LRP1B: variants seen among roughly 807,000 people sequenced by gnomAD.
LRP1B encodes the protein low-density lipoprotein receptor-related protein 1B.
A neutral mutation model predicts 556.6 loss-of-function variants in LRP1B; 217 were observed. The ratio of observed to expected loss-of-function variants is 0.39; its 90% CI spans 0.35 to 0.44. The LOEUF (loss-of-function observed/expected upper bound fraction) is 0.44. Among genes scored for constraint, LRP1B ranks in the 20% least tolerant of loss-of-function variants. The pLI, the probability that LRP1B is intolerant of heterozygous loss-of-function variation, is 1.00. For missense variants in LRP1B, 5,053 were observed against 5,620.8 expected, an observed-to-expected ratio of 0.90 and a Z score of 3.23; for synonymous variants, 2,047 against 1,865.8, an observed-to-expected ratio of 1.10 and a Z score of -2.50.
intron 66 of LRP1B, among the ~76,000 whole-genome samples, chr2:140,414,595 T>C (rs1685102600): frequency 6.6e-6 from 1 of 152,290 alleles, no homozygotes; most frequent in Admixed American, 6.5e-5. Context: ...GGAACATAAA[T>C]TGCAAAGATT....
At chr2:140,891,558 C>G (rs946940628) in intron 23 of LRP1B, among the ~76,000 whole-genome samples, 15 of 152,136 alleles carry the variant, frequency 9.9e-5, no homozygotes, top group Admixed American at 9.2e-4. Flanking sequence ...TCTGTCCCAT[C>G]ATCAGATACA....
chr2:140,600,678 T>C, intron 42 of LRP1B, among the ~76,000 whole-genome samples: 1 of 151,392 alleles, frequency 6.6e-6, no homozygotes, highest in Non-Finnish European at 1.5e-5. Context: ...TTTCTTATAG[T>C]TAACAAACAA....
At chr2:140,389,086 CATT>C (rs1374506542) in intron 66 of LRP1B, among the ~76,000 whole-genome samples, 2 of 152,050 alleles carry the variant, frequency 1.3e-5, no homozygotes, top group African/African-American at 4.8e-5. Context: ...TCATATATCT[CATT>C]ATTCCCTTTT....
At chr2:141,185,482 G>A (rs1332702698) in intron 7 of LRP1B, among the ~76,000 whole-genome samples, 1 of 151,920 alleles carries the variant, frequency 6.6e-6, no homozygotes, top group Non-Finnish European at 1.5e-5. Context: ...TTGAAAGGAA[G>A]AAGAAAATCT....
At chr2:140,491,091 T>C (rs548215050) in intron 57 of LRP1B, among the ~76,000 whole-genome samples, 1 of 152,206 alleles carries the variant, frequency 6.6e-6, no homozygotes, top group Admixed American at 6.5e-5. Context: ...TTTTGTTCCA[T>C]TAAGAACAAT....
chr2:141,271,623 C>T (rs1159402038), intron 3 of LRP1B, among the ~76,000 whole-genome samples: 2 of 151,710 alleles, frequency 1.3e-5, no homozygotes, highest in South Asian at 2.1e-4. Flanking sequence ...AACCAAGAAT[C>T]TTATTTCCAG....
chr2:140,775,068 T>G (rs1454799955), intron 33 of LRP1B, among the ~76,000 whole-genome samples: 1 of 152,108 alleles, frequency 6.6e-6, no homozygotes, highest in Non-Finnish European at 1.5e-5. Flanking sequence ...ATTCTAAAGT[T>G]ATTAATTTTT....
intron 3 of LRP1B, among the ~76,000 whole-genome samples, chr2:141,263,118 G>C (rs1333333991): frequency 6.6e-6 from 1 of 151,698 alleles, no homozygotes. Flanking sequence ...ATTTATATCT[G>C]TCTCATAGTT....
At chr2:140,652,780 A>C (rs1436169189) in intron 41 of LRP1B, among the ~76,000 whole-genome samples, 1 of 152,122 alleles carries the variant, frequency 6.6e-6, no homozygotes, top group Non-Finnish European at 1.5e-5. Flanking sequence ...TCCAACTAAA[A>C]ATGAATCCAT....
At chr2:141,995,896 A>T (rs959826346) in intron 1 of LRP1B, among the ~76,000 whole-genome samples, 1 of 152,214 alleles carries the variant, frequency 6.6e-6, no homozygotes, top group Non-Finnish European at 1.5e-5. Context: ...TGGGTTTTAA[A>T]AAAGCTTCAG....
At chr2:140,647,097 C>T (rs1031432220) in intron 41 of LRP1B, among the ~76,000 whole-genome samples, 22 of 151,948 alleles carry the variant, frequency 1.4e-4, no homozygotes, top group African/African-American at 4.1e-4. Flanking sequence ...AGTTTTTCTC[C>T]GCATTTAAAT....
intron 69 of LRP1B, among the ~76,000 whole-genome samples, chr2:140,371,696 A>G (rs898963022): frequency 1.3e-5 from 2 of 151,884 alleles, no homozygotes; most frequent in Non-Finnish European, 2.9e-5. Context: ...ATATTTAGCA[A>G]CCTTTGAGTA....
chr2:140,722,307 C>T (rs1272623709), intron 35 of LRP1B, among the ~76,000 whole-genome samples: 2 of 152,142 alleles, frequency 1.3e-5, no homozygotes, highest in Non-Finnish European at 2.9e-5. Flanking sequence ...TTTTCCATGT[C>T]TTAGAAGAGA....
intron 2 of LRP1B, among the ~76,000 whole-genome samples, chr2:141,769,044 G>A (rs1158279840): frequency 6.6e-6 from 1 of 152,070 alleles, no homozygotes; most frequent in Non-Finnish European, 1.5e-5. Context: ...ATATTATACA[G>A]ATGAGAGATG....
chr2:140,438,167 T>C (rs1234345936), intron 66 of LRP1B, among the ~76,000 whole-genome samples: 1 of 152,076 alleles, frequency 6.6e-6, no homozygotes, highest in Non-Finnish European at 1.5e-5. Context: ...CAGGTGCTAA[T>C]TTTTAAATAT....
At chr2:141,797,372 AAC>A (rs1695860156) in intron 2 of LRP1B, among the ~76,000 whole-genome samples, 1 of 151,618 alleles carries the variant, frequency 6.6e-6, no homozygotes, top group African/African-American at 2.4e-5. Flanking sequence ...TCATGAGGGA[AAC>A]AGAGTATTTG....
intron 2 of LRP1B, among the ~76,000 whole-genome samples, chr2:141,678,865 C>T (rs907590809): frequency 3.3e-5 from 5 of 152,106 alleles, no homozygotes; most frequent in Admixed American, 6.6e-5. Flanking sequence ...TACCCACTCC[C>T]TGGTATTCAT....
At chr2:140,596,376 A>G (rs1682440709) in intron 43 of LRP1B, among the ~76,000 whole-genome samples, 1 of 152,146 alleles carries the variant, frequency 6.6e-6, no homozygotes, top group Admixed American at 6.5e-5. Context: ...TGTCACTTAG[A>G]GTTGGATGCT....
chr2:141,644,534 TAAC>T lies in LRP1B; in HGVS notation c.206-164004_206-164002del, dbSNP rs1448913398. ...CAATCAGCAATTACTTTTTGTTTCT[TAAC>T]AACATGACTAGTTAAATTAAAATTA... is the stretch of plus-strand genomic sequence containing the variant. On this transcript the variant is annotated intron_variant, in intron 2 of 90. Coordinates refer to ENST00000389484, the MANE Select transcript of LRP1B (RefSeq NM_018557.3). 7.2e-5 allele frequency among the ~76,000 whole-genome samples: 11 copies of T among 152,236 alleles called. No individual in the cohort carries two copies. In the East Asian group the frequency reaches 1.2e-3, roughly 16 times the overall value.
Sources: allele counts gnomAD v4.1 joint callset (sites outside exome capture counted in the v4.1 genomes callset), GRCh38; gene constraint gnomAD v4.1.1; transcripts MANE v1.5; gene names NCBI Gene and HGNC (gene_info 2026-07-23, HGNC 2026-07-21).